The following AHI1 variants were observed in gnomAD, a reference collection of about 807,000 sequenced individuals.
AHI1 encodes the protein jouberin.
In AHI1, 123 loss-of-function variants were observed where a neutral mutation model predicts 149.3. The ratio of observed to expected loss-of-function variants is 0.82; its 90% CI spans 0.71 to 0.96. The LOEUF (loss-of-function observed/expected upper bound fraction) is 0.96, where lower values mean the gene tolerates loss of function less well. Among genes scored for constraint, AHI1 ranks in the 40% least tolerant of loss-of-function variants. The pLI is 0.00. For missense variants in AHI1, 1,439 were observed against 1,422.7 expected (o/e 1.01, Z -0.18); for synonymous variants, 475 against 459.8 (o/e 1.03, Z -0.42).
At chr6:135,452,350 T>C (rs749283986) in intron 11 of AHI1, among the ~76,000 whole-genome samples, 18 of 152,238 alleles carry the variant, frequency 1.2e-4, no homozygotes, top group Non-Finnish European at 2.2e-4. Context: ...AATTAAAATA[T>C]CCTTTTTTAA....
intron 24 of AHI1, among the ~76,000 whole-genome samples, chr6:135,346,461 A>G (rs2128419200): frequency 1.3e-5 from 2 of 152,102 alleles, no homozygotes; most frequent in Middle Eastern, 3.4e-3. Flanking sequence ...CGGCATCCCA[A>G]AGTGCTGGGA....
intron 21 of AHI1, among the ~76,000 whole-genome samples, chr6:135,410,458 C>T (rs939003714): frequency 6.6e-6 from 1 of 152,212 alleles, no homozygotes; most frequent in African/African-American, 2.4e-5. Flanking sequence ...AGTCAAAAAG[C>T]TGGCACAGGT....
intron 23 of AHI1, among the ~76,000 whole-genome samples, chr6:135,381,445 A>G (rs542817326): frequency 6.6e-6 from 1 of 152,340 alleles, no homozygotes; most frequent in Non-Finnish European, 1.5e-5. Context: ...GAGTCCTACT[A>G]AGCATAAACT....
chr6:135,302,874 C>T, intron 26 of AHI1: 1 of 1,201,882 alleles, frequency 8.3e-7, no homozygotes, highest in Non-Finnish European at 1.1e-6. Context: ...ATAACCCCCA[C>T]CATCGACAAC....
intron 21 of AHI1, among the ~76,000 whole-genome samples, chr6:135,408,653 G>A (rs1334405902): frequency 6.6e-6 from 1 of 152,130 alleles, no homozygotes; most frequent in Non-Finnish European, 1.5e-5. Flanking sequence ...CTGTCTCAAT[G>A]TAGTTCCTTG....
chr6:135,452,927 A>G (rs969701780), intron 11 of AHI1, among the ~76,000 whole-genome samples: 6 of 152,172 alleles, frequency 3.9e-5, no homozygotes, highest in African/African-American at 1.4e-4. Context: ...TACGATATTT[A>G]TAAAAATTTA....
intron 23 of AHI1, among the ~76,000 whole-genome samples, chr6:135,373,189 C>T (rs141439800): frequency 2.0e-5 from 3 of 152,260 alleles, no homozygotes; most frequent in Non-Finnish European, 4.4e-5. Flanking sequence ...AATGACAGAT[C>T]GCATATACAA....
intron 10 of AHI1, among the ~76,000 whole-genome samples, chr6:135,454,256 C>T (rs937485947): frequency 6.6e-5 from 10 of 152,032 alleles, no homozygotes; most frequent in African/African-American, 2.2e-4. Context: ...CATTCCTAAA[C>T]ATATGTGTGG....
chr6:135,333,109 C>T (rs867511796), intron 24 of AHI1, among the ~76,000 whole-genome samples: 9 of 152,266 alleles, frequency 5.9e-5, no homozygotes, highest in South Asian at 4.1e-4. Context: ...CAGCCAAAGA[C>T]TTCAGGGTAC....
intron 23 of AHI1, among the ~76,000 whole-genome samples, chr6:135,367,173 G>A (rs1485708861): frequency 3.3e-5 from 5 of 152,030 alleles, no homozygotes; most frequent in South Asian, 4.2e-4. Context: ...TGTTTAAGGC[G>A]GCTAAAGATA....
chr6:135,422,872 G>A (rs1239447778), intron 20 of AHI1, among the ~76,000 whole-genome samples: 1 of 151,638 alleles, frequency 6.6e-6, no homozygotes, highest in African/African-American at 2.4e-5. Flanking sequence ...CCTAAATGTT[G>A]AAATTGAAAA....
intron 24 of AHI1, among the ~76,000 whole-genome samples, chr6:135,357,094 A>G (rs573849154): frequency 2.0e-5 from 3 of 152,262 alleles, no homozygotes; most frequent in Admixed American, 1.3e-4. Context: ...ATGCACCACC[A>G]TGCCCAGATA....
intron 28 of AHI1, among the ~76,000 whole-genome samples, chr6:135,289,903 C>G (rs1223749657): frequency 6.6e-6 from 1 of 151,862 alleles, no homozygotes; most frequent in Non-Finnish European, 1.5e-5. Flanking sequence ...TTCCCTATAC[C>G]CCAACCCCTA....
rs114840563 is a variant in AHI1, at chr6:135,339,598, A to C, written c.3166-16274T>G. 3.7e-4 allele frequency among the ~76,000 whole-genome samples: 56 copies of C among 152,332 alleles called. 1 individual carries two copies. Among genetic ancestry groups the C allele is most frequent in the African/African-American group, 1.2e-3 (51 of 41,588 alleles). ...TATAAACTGGCAGAAGAATCAGTAA[A>C]CTTGAAGATAAGTAAATTGAGATGA... On this transcript the variant is annotated intron_variant, in intron 24 of 28. Transcript: ENST00000265602.
At chr6:135,289,365 C>T (rs770542999) in intron 28 of AHI1, among the ~76,000 whole-genome samples, 3 of 151,798 alleles carry the variant, frequency 2.0e-5, no homozygotes, top group African/African-American at 2.4e-5. Flanking sequence ...TGTGGTGACA[C>T]GTGCCTGTAG....
chr6:135,387,161 G>A (rs1294040931), intron 23 of AHI1, among the ~76,000 whole-genome samples: 2 of 152,134 alleles, frequency 1.3e-5, no homozygotes, highest in South Asian at 2.1e-4. Context: ...GGGATTACAG[G>A]CATGAGACAC....
chr6:135,355,338 T>C (rs1400468766), intron 24 of AHI1, among the ~76,000 whole-genome samples: 2 of 150,518 alleles, frequency 1.3e-5, no homozygotes, highest in Non-Finnish European at 3.0e-5. Context: ...ACAAATATGG[T>C]ACTATTTGTA....
intron 24 of AHI1, among the ~76,000 whole-genome samples, chr6:135,334,878 T>C (rs1266996491): frequency 6.6e-6 from 1 of 152,216 alleles, no homozygotes; most frequent in African/African-American, 2.4e-5. Context: ...TGTAAATTCT[T>C]GGGCCCTATT....
chr6:135,397,695 G>C (rs1475983383), intron 22 of AHI1, among the ~76,000 whole-genome samples: 3 of 151,952 alleles, frequency 2.0e-5, no homozygotes, highest in African/African-American at 7.2e-5. Context: ...TATTAAGCAA[G>C]CTGACAATTA....
Sources: allele counts gnomAD v4.1 joint callset (sites outside exome capture counted in the v4.1 genomes callset), GRCh38; gene constraint gnomAD v4.1.1; transcripts MANE v1.5; gene names NCBI Gene and HGNC (gene_info 2026-07-23, HGNC 2026-07-21).